Variants in PTK2 observed in about 807,000 individuals in gnomAD.
The protein encoded by PTK2 is focal adhesion kinase 1.
In PTK2, 45 loss-of-function variants were observed where a neutral mutation model predicts 150.1. The observed-to-expected ratio is 0.30, with a 90% confidence interval of 0.24 to 0.38. The LOEUF (loss-of-function observed/expected upper bound fraction) is 0.38. Ranked by LOEUF, PTK2 falls within the 10% of genes least tolerant of loss-of-function variation. The probability of loss-of-function intolerance (pLI) is 1.00; values close to 1 mark genes in which losing one functional copy is unlikely to be tolerated. For synonymous variants in PTK2, 432 were observed against 449.2 expected (o/e 0.96, Z 0.48); for missense variants, 919 against 1,307.3 (o/e 0.70, Z 4.58).
intron 13 of PTK2, among the ~76,000 whole-genome samples, chr8:140,791,848 T>C (rs1298115378): frequency 6.6e-6 from 1 of 152,148 alleles, no homozygotes; most frequent in Non-Finnish European, 1.5e-5. Context: ...AAGGTAAATG[T>C]ACTTGAAGAA....
In PTK2 at chr8:140,769,564, A is replaced by G. The variant is rs1399423321; in HGVS notation, c.1178-5274T>C. On this transcript the variant is annotated intron_variant, in intron 14 of 31. Transcript: ENST00000522684. ...TCATAGCAGTAACACAAATGTGAAA[A>G]TAAATATTACCGTCCCCACTAATTT... 1.5e-6 allele frequency: 2 copies of G among 1,354,354 alleles called. No homozygotes were observed. Among genetic ancestry groups the G allele is most frequent in the East Asian group, 3.9e-5 (1 of 25,604 alleles). 83.9% of individuals were successfully genotyped at this position (1,354,354 alleles called of 1,614,324 possible). A position where few individuals can be genotyped will look rare whatever the true frequency, so the allele number is the denominator to read the frequency against.
intron 23 of PTK2, 150 bp downstream of exon 26, chr8:140,717,448 A>C: frequency 1.6e-6 from 1 of 623,268 alleles, no homozygotes; most frequent in East Asian, 2.8e-5. Flanking sequence ...CGAGAAGACG[A>C]GCAAAAAGGA....
intron 31 of PTK2, chr8:140,660,490 G>A: frequency 2.4e-6 from 1 of 410,852 alleles, no homozygotes; most frequent in Non-Finnish European, 5.0e-6. Flanking sequence ...TTGGGCGGCG[G>A]AGGCAGGCTG....
In PTK2 at chr8:140,879,457, G is replaced by A. The variant is rs753990675; in HGVS notation, c.362+14C>T. On this transcript the variant is annotated intron_variant, in intron 4 of 31. Transcript: ENST00000522684. ...ATCAAGTGTGCATCACACCAAAGCA[G>A]GTTTGTATCTTACTTCCACTCCTCT... is the stretch of plus-strand genomic sequence containing the variant. 1.9e-6 allele frequency: 3 copies of A among 1,592,408 alleles called. No individual in the cohort carries two copies. Among genetic ancestry groups the A allele is most frequent in the Admixed American group, 3.6e-5 (2 of 56,146 alleles).
chr8:141,000,830 TCCCGACCACCCAGCG>T (rs1169447308), intron 1 of PTK2: 5 of 85,690 alleles, frequency 5.8e-5, no homozygotes, highest in Admixed American at 1.4e-4. Context: ...TCCCCAAGCC[TCCCGACCACCCAGCG>T]CCCCGAACCC....
In PTK2 at chr8:140,728,070, G is replaced by A. The variant is rs117479588; in HGVS notation, c.2030+7181C>T. Reference sequence around the variant, plus strand: ...AAAAAGTAGCCCAGCACAGTGGTGCGCGCCTGTAATCTCAGCTACTCGGCA... The same window carrying A: ...AAAAAGTAGCCCAGCACAGTGGTGCACGCCTGTAATCTCAGCTACTCGGCA... On this transcript the variant is annotated intron_variant, in intron 22 of 31. Coordinates refer to ENST00000522684, the Ensembl canonical transcript of PTK2. 6.8e-4 allele frequency among the ~76,000 whole-genome samples: 104 copies of A among 152,048 alleles called. 1 individual carries two copies. The East Asian group carries it at 0.016, about 23-fold the overall frequency.
At chr8:140,881,658 A>G (rs2100149158) in intron 3 of PTK2, among the ~76,000 whole-genome samples, 1 of 152,242 alleles carries the variant, frequency 6.6e-6, no homozygotes, top group Admixed American at 6.5e-5. Flanking sequence ...TAAGGCAGTA[A>G]GGAACACAAA....
chr8:140,965,212 T>C (rs1207320486), intron 1 of PTK2, among the ~76,000 whole-genome samples: 1 of 152,214 alleles, frequency 6.6e-6, no homozygotes, highest in Non-Finnish European at 1.5e-5. Flanking sequence ...CACTGTCTCT[T>C]ATGAATCCTA....
chr8:140,689,079 T>TAGAC (rs1331318895), intron 26 of PTK2, among the ~76,000 whole-genome samples: 3 of 141,962 alleles, frequency 2.1e-5, no homozygotes, highest in African/African-American at 3.0e-5. Flanking sequence ...ACAGGTAAGA[T>TAGAC]AGACATGAAT....
At chr8:140,782,715 T>C (rs1186352605) in intron 14 of PTK2, among the ~76,000 whole-genome samples, 1 of 151,864 alleles carries the variant, frequency 6.6e-6, no homozygotes, top group African/African-American at 2.4e-5. Flanking sequence ...CAGCAACAGA[T>C]AGAGACTACC....
At chr8:140,993,690 G>A (rs2154610318) in intron 1 of PTK2, among the ~76,000 whole-genome samples, 1 of 151,844 alleles carries the variant, frequency 6.6e-6, no homozygotes, top group South Asian at 2.1e-4. Flanking sequence ...AGAATATGAG[G>A]GCAAAAAAGA....
chr8:140,785,229 T>C (rs1457543584), intron 14 of PTK2, among the ~76,000 whole-genome samples: 1 of 152,232 alleles, frequency 6.6e-6, no homozygotes, highest in Non-Finnish European at 1.5e-5. Flanking sequence ...GCCTTTCTGC[T>C]GTCGGTTCCC....
chr8:140,748,058 C>CTA (rs745417720), intron 17 of PTK2, among the ~76,000 whole-genome samples: 108 of 152,102 alleles, frequency 7.1e-4, no homozygotes, highest in Non-Finnish European at 1.4e-3. Context: ...ACTATGGTAA[C>CTA]TGGGTGTGTT....
chr8:140,665,878 C>T (rs2090878600), intron 30 of PTK2, among the ~76,000 whole-genome samples: 2 of 152,302 alleles, frequency 1.3e-5, no homozygotes, highest in African/African-American at 4.8e-5. Context: ...ATGCAAGTTC[C>T]TCCTTAAGAA....
intron 5 of PTK2, among the ~76,000 whole-genome samples, chr8:140,853,792 G>A (rs2100130859): frequency 6.6e-6 from 1 of 152,198 alleles, no homozygotes; most frequent in African/African-American, 2.4e-5. Context: ...TAATAAGAGA[G>A]TTAGACTACA....
chr8:140,903,283 A>ACC (rs2100159504), intron 2 of PTK2, among the ~76,000 whole-genome samples: 1 of 152,022 alleles, frequency 6.6e-6, no homozygotes, highest in Non-Finnish European at 1.5e-5. Flanking sequence ...CAAAGATCAG[A>ACC]TGGTTGTAGA....
intron 3 of PTK2, among the ~76,000 whole-genome samples, chr8:140,889,947 C>T (rs558863663): frequency 2.1e-4 from 32 of 152,154 alleles, no homozygotes; most frequent in Non-Finnish European, 4.1e-4. Context: ...CTAACTTCTA[C>T]GTTTAAAAGG....
intron 1 of PTK2, among the ~76,000 whole-genome samples, chr8:140,953,479 G>T (rs2100180175): frequency 6.6e-6 from 1 of 152,132 alleles, no homozygotes; most frequent in Admixed American, 6.5e-5. Context: ...CTAACAGGCG[G>T]GCAGCATACA....
intron 4 of PTK2, among the ~76,000 whole-genome samples, chr8:140,872,108 T>C (rs1358063211): frequency 6.6e-6 from 1 of 152,076 alleles, no homozygotes; most frequent in African/African-American, 2.4e-5. Context: ...TCAGTGACAC[T>C]ATCTCAGCTC....
Sources: gnomAD v4.1 joint callset for allele counts (sites outside exome capture counted in the v4.1 genomes callset) on GRCh38, gnomAD v4.1.1 for gene constraint, MANE v1.5 for transcripts, NCBI Gene and HGNC (gene_info 2026-07-23, HGNC 2026-07-21) for gene names.